Variants in KIF19 observed in about 807,000 individuals in gnomAD.
KIF19 encodes kinesin-like protein KIF19.
A neutral mutation model predicts 106.6 loss-of-function variants in KIF19; 98 were observed. That is an observed-to-expected ratio of 0.92 (90% CI 0.78 to 1.09). The LOEUF (loss-of-function observed/expected upper bound fraction) is 1.09. Among genes scored for constraint, KIF19 ranks in the 50% least tolerant of loss-of-function variants. KIF19 has a pLI of 0.00. For synonymous variants in KIF19, 516 were observed against 584.2 expected (o/e 0.88, Z 1.68); for missense variants, 1,373 against 1,414.3 (o/e 0.97, Z 0.47).
chr17:74,327,372 C>T (rs2144181290), intron 1 of KIF19, among the ~76,000 whole-genome samples: 1 of 152,320 alleles, frequency 6.6e-6, no homozygotes, highest in East Asian at 1.9e-4. Flanking sequence ...CCCCGGGGAG[C>T]AGGGATGAAG....
In KIF19 at chr17:74,350,882, C is replaced by T; in HGVS notation, c.1564C>T (p.Gln522Ter). ...RESIAALVDE[Q>*]KQLRKQKLAL... is the part of the protein sequence containing the mutation. ...GAGCATTGCAGCCCTGGTGGACGAG[C>T]AGAAGCAACTGCGCAAGCAGAAGGT... The change falls in exon 12 of 20, where the codon CAG (glutamine) becomes TAG (stop). Residue 522 changes from glutamine (Q) to a stop codon, truncating the protein, a stop_gained. Transcript: ENST00000389916. LOFTEE classifies it high-confidence loss of function. 6.2e-7 allele frequency: 1 copy of T among 1,613,856 alleles called. No individual in the cohort carries two copies. The highest frequency in any genetic ancestry group is 8.5e-7 in the Non-Finnish European group (1 of 1,179,890).
At chr17:74,348,903 T>C in intron 9 of KIF19, 1 of 471,188 alleles carries the variant, frequency 2.1e-6, no homozygotes, top group Non-Finnish European at 3.8e-6. Flanking sequence ...GGGATGTTCA[T>C]GCAGGAGCGG....
In KIF19 at chr17:74,349,313, G is replaced by T. The variant is rs750922384; in HGVS notation, c.1177G>T (p.Gly393Cys). The change falls in exon 10 of 20, where the codon GGC (glycine) becomes TGC (cysteine). Residue 393 changes from glycine to cysteine, a missense_variant. Physicochemically the swap from Gly to Cys is radical, Grantham distance 159 (BLOSUM62 -3). Coordinates refer to ENST00000389916, the MANE Select transcript of KIF19 (RefSeq NM_153209.4). ...GCAGACTGGGCGGGGCCAGGCCCGGGGCCGGCAGGATCGGGGTGACATCCG... is the reference window on the plus strand; with the variant it reads ...GCAGACTGGGCGGGGCCAGGCCCGGTGCCGGCAGGATCGGGGTGACATCCG... The part of the protein sequence containing the change: ...DEQTGRGQAR[G>C]RQDRGDIRHI... The T allele has an allele frequency of 6.2e-7, 1 of 1,609,606 alleles. No homozygotes were observed. Among genetic ancestry groups the T allele is most frequent in the African/African-American group, 1.3e-5 (1 of 75,004 alleles).
Position 74,355,501 on chromosome 17 carries a change from A to C in KIF19, c.*189A>C, listed in dbSNP as rs1193692933. 1.4e-6 allele frequency: 1 copy of C among 730,756 alleles called. No homozygotes were observed. Among genetic ancestry groups the C allele is most frequent in the East Asian group, 2.8e-5 (1 of 35,544 alleles). 45.3% of individuals were successfully genotyped at this position (730,756 alleles called of 1,614,324 possible). ...TCCCATGCTTTCAGTGCCACTGGGGAAAAGAGGTGAGGCCAGGGGACATGG... is the reference window on the plus strand; with the variant it reads ...TCCCATGCTTTCAGTGCCACTGGGGCAAAGAGGTGAGGCCAGGGGACATGG... On this transcript the variant is annotated 3_prime_UTR_variant, in exon 20 of 20. Transcript: ENST00000389916.
Position 74,349,356 on chromosome 17 carries a change from C to T in KIF19, c.1213+7C>T. The T allele has an allele frequency of 6.3e-7, 1 of 1,587,898 alleles. No homozygotes were observed. The highest frequency in any genetic ancestry group is 8.6e-7 in the Non-Finnish European group (1 of 1,167,532). On this transcript the variant is annotated splice_region_variant and intron_variant, in intron 10 of 19. Coordinates refer to ENST00000389916, the MANE Select transcript of KIF19 (RefSeq NM_153209.4). ...GACATCCGCCACATCCAAGGTGCGC[C>T]TGTGGGTCTGTGTGAGTGGCAGCCC...
Position 74,352,099 on chromosome 17 carries a change from G to A in KIF19, c.1820G>A (p.Cys607Tyr). The A allele has an allele frequency of 1.3e-6, 2 of 1,588,240 alleles. No homozygotes were observed. Among genetic ancestry groups the A allele is most frequent in the Non-Finnish European group, 1.7e-6 (2 of 1,165,958 alleles). The change falls in exon 13 of 20, where the codon TGC becomes TAC. Residue 607 changes from cysteine to tyrosine, a missense_variant. Cys to Tyr is a radical substitution (Grantham distance 194). This residue lies in a region of KIF19 where 1,020 missense variants were observed against 1,008.2 expected (regional missense o/e 1.01). Transcript: ENST00000389916. ...CGCCTGGAGCAGCACCGCAGTCTCT[G>A]CGACGAGATTATCCAGGGCCAGCGG... ...VRRLEQHRSL[C>Y]DEIIQGQRQI... is the part of the protein sequence containing the mutation.
rs1457662120 is a variant in KIF19 at position 74,354,936 on chromosome 17, A to G, written c.2861A>G (p.Asn954Ser). ...LAKVKLPPSQ[N>S]TGPGDSSPLA... ...AAAGTCAAACTCCCTCCAAGCCAGA[A>G]CACGGGTCAGTATGGGCAAGGAGGG... Residue 954 changes from asparagine (N) to serine (S), a missense_variant, in exon 19 of 20, where the codon AAC becomes AGC. Coordinates refer to ENST00000389916, the MANE Select transcript of KIF19 (RefSeq NM_153209.4). The G allele has an allele frequency of 6.3e-7, 1 of 1,582,050 alleles. No homozygotes were observed. Among genetic ancestry groups the G allele is most frequent in the African/African-American group, 1.3e-5 (1 of 74,404 alleles).
At chr17:74,353,329 C>G (rs756803009) in intron 16 of KIF19, 28 bp downstream of exon 16, 67 of 1,532,344 alleles carry the variant, frequency 4.4e-5, no homozygotes, top group Non-Finnish European at 5.8e-5. Flanking sequence ...GATGGCCCCA[C>G]GAGCTCCACT....
At chr17:74,339,385 A>G (rs1245941619) in intron 2 of KIF19, among the ~76,000 whole-genome samples, 1 of 151,912 alleles carries the variant, frequency 6.6e-6, no homozygotes, top group East Asian at 1.9e-4. Context: ...TGAAGTGCTC[A>G]GTCACAATGA....
In KIF19 at chr17:74,336,350, T is replaced by A. The variant is rs575722215; in HGVS notation, c.121-5526T>A. On this transcript the variant is annotated intron_variant, in intron 2 of 19. Transcript: ENST00000389916. ...CTGGGATTACAGGCGTGAGCCACCA[T>A]GCCTGGCTCCCCTTGGCTTTAGATG... Among the ~76,000 whole-genome samples, 8 of 152,314 alleles carry A rather than the reference T, an allele frequency of 5.3e-5. No homozygotes were observed. In the South Asian group the frequency reaches 1.7e-3, roughly 32 times the overall value.
At position 74,355,813 on chromosome 17, in the gene KIF19, G is replaced by C. The variant is rs1290329977; in HGVS notation, c.*501G>C. 6.5e-6 allele frequency: 1 copy of C among 153,138 alleles called. No individual in the cohort carries two copies. Among genetic ancestry groups the C allele is most frequent in the Non-Finnish European group, 1.5e-5 (1 of 68,730 alleles). 9.5% of individuals were successfully genotyped at this position (153,138 alleles called of 1,614,324 possible). A position where few individuals can be genotyped will look rare whatever the true frequency, so the allele number is the denominator to read the frequency against. ...CTTTTTAACAATAAAATCCCATTTG[G>C]GTCTTGATGGTTGTGTTGGAAATTT... is the stretch of plus-strand genomic sequence containing the variant. On this transcript the variant is annotated 3_prime_UTR_variant, in exon 20 of 20. Transcript: ENST00000389916.
At chr17:74,348,958 C>G (rs143895953) in intron 9 of KIF19, 1 of 561,698 alleles carries the variant, frequency 1.8e-6, no homozygotes, top group Non-Finnish European at 3.1e-6. Flanking sequence ...CCTTCAACAA[C>G]GGGTGGAGGA....
chr17:74,353,705 C>A, intron 17 of KIF19, 124 bp downstream of exon 17: 1 of 776,688 alleles, frequency 1.3e-6, no homozygotes, highest in Non-Finnish European at 2.2e-6. Flanking sequence ...GGGTGCTACA[C>A]ATTCTGTAGA....
chr17:74,345,186 G>A (rs982529935), intron 7 of KIF19, among the ~76,000 whole-genome samples: 5 of 152,154 alleles, frequency 3.3e-5, no homozygotes, highest in Admixed American at 6.5e-5. Context: ...AGTGAGGAAC[G>A]TTCCAGAGGA....
Position 74,346,315 on chromosome 17 carries a change from C to G in KIF19, c.778-63C>G. 6.6e-7 allele frequency: 1 copy of G among 1,510,118 alleles called. No homozygotes were observed. The highest frequency in any genetic ancestry group is 1.4e-5 in the African/African-American group (1 of 72,174). 93.5% of individuals were successfully genotyped at this position (1,510,118 alleles called of 1,614,324 possible). ...ACCAGGTCATTCATTGGTGGGGTGGCTGGGGAGAAACCCAGTCCCCTGCCT... is the reference window on the plus strand; with the variant it reads ...ACCAGGTCATTCATTGGTGGGGTGGGTGGGGAGAAACCCAGTCCCCTGCCT... On this transcript the variant is annotated intron_variant, in intron 7 of 19. Coordinates refer to ENST00000389916, the MANE Select transcript of KIF19 (RefSeq NM_153209.4). The surrounding 1 kb of genome is among the most constrained non-coding windows in gnomAD (Gnocchi z 4.6).
At chr17:74,332,387 C>T (rs956710633) in intron 2 of KIF19, among the ~76,000 whole-genome samples, 4 of 151,930 alleles carry the variant, frequency 2.6e-5, no homozygotes, top group Non-Finnish European at 5.9e-5. Context: ...CCAGGGACAG[C>T]CTGAGAGGCT....
chr17:74,332,369 C>T (rs1034851460), intron 2 of KIF19, among the ~76,000 whole-genome samples: 12 of 152,050 alleles, frequency 7.9e-5, no homozygotes, highest in African/African-American at 2.4e-4. Context: ...TCTGGGGCCC[C>T]AGAGGAGCCA....
At position 74,343,121 on chromosome 17, in the gene KIF19, C is replaced by T; in HGVS notation, c.417C>T (p.Ser139=). 1 of 1,613,204 alleles carries T rather than the reference C, an allele frequency of 6.2e-7. No individual in the cohort carries two copies. Residue 139 remains serine, a synonymous_variant, in exon 5 of 20, where the codon AGC becomes AGT. Transcript: ENST00000389916. Reference sequence around the variant, plus strand: ...TCTTCCGTGCCATCGAGGAGACCAGCAATGACATGGAGTATGAGGTCTCCA... The same window carrying T: ...TCTTCCGTGCCATCGAGGAGACCAGTAATGACATGGAGTATGAGGTCTCCA... The part of the protein sequence containing the change: ...NDLFRAIEET[S]NDMEYEVSMS...
At chr17:74,344,686 G>GC (rs1458966741) in intron 6 of KIF19, 75 bp from the exon 7 acceptor site, 9 of 1,455,266 alleles carry the variant, frequency 6.2e-6, no homozygotes, top group Non-Finnish European at 8.4e-6. Context: ...CTCCCTGCTA[G>GC]CCCCCTCAGG....
Sources: allele counts gnomAD v4.1 joint callset (sites outside exome capture counted in the v4.1 genomes callset), GRCh38; gene constraint gnomAD v4.1.1; regional missense constraint gnomAD v4.1.1; non-coding constraint Gnocchi (gnomAD v3.1); transcripts MANE v1.5; gene names NCBI Gene and HGNC (gene_info 2026-07-23, HGNC 2026-07-21).